Variants in PCBP3 observed in about 807,000 individuals in gnomAD.
PCBP3 encodes poly(rC)-binding protein 3.
A neutral mutation model predicts 52.7 loss-of-function variants in PCBP3; 25 were observed. The observed-to-expected ratio is 0.47, with a 90% confidence interval of 0.35 to 0.66. The LOEUF (loss-of-function observed/expected upper bound fraction) is 0.66, where lower values mean the gene tolerates loss of function less well. PCBP3 is among the 30% of genes least tolerant of loss of function. The pLI is 0.01. For synonymous variants in PCBP3, 162 were observed against 183.0 expected, an observed-to-expected ratio of 0.89 and a Z score of 0.93; for missense variants, 391 against 490.3, an observed-to-expected ratio of 0.80 and a Z score of 1.91.
At chr21:45,646,107 C>CTCTCTCTCTCTCTGTGTG (rs1555895746) in intron 1 of PCBP3, among the ~76,000 whole-genome samples, 13 of 83,820 alleles carry the variant, frequency 1.6e-4, no homozygotes, top group Non-Finnish European at 2.3e-4. Context: ...CTCTCTCTCT[C>CTCTCTCTCTCTCTGTGTG]TGTGTGTGTG....
Position 45,775,345 on chromosome 21 carries a change from G to A in PCBP3, c.-126+19893G>A, listed in dbSNP as rs151253384. Among the ~76,000 whole-genome samples the A allele has an allele frequency of 9.4e-4, 84 of 89,086 alleles. 1 individual carries two copies. Among genetic ancestry groups the A allele is most frequent in the Admixed American group, 5.6e-3 (52 of 9,296 alleles). The allele number at this position is 89,086 out of a possible 152,430, so 58.4% of individuals were successfully genotyped here. ...CTCTGATGATCTTTTGTATTTCTGT[G>A]GTATCAGTTTAATTTAAATGCCTCC... is the stretch of plus-strand genomic sequence containing the variant. On this transcript the variant is annotated intron_variant, in intron 4 of 17. Coordinates refer to ENST00000681687, the MANE Select transcript of PCBP3 (RefSeq NM_001384156.1).
At chr21:45,657,315 C>T (rs753208600) in intron 1 of PCBP3, among the ~76,000 whole-genome samples, 3 of 152,062 alleles carry the variant, frequency 2.0e-5, no homozygotes, top group East Asian at 1.9e-4. Context: ...GTCTTTGGTG[C>T]GTTTTGAGTT....
intron 5 of PCBP3, chr21:45,872,070 C>T (rs1603460284): frequency 6.6e-6 from 1 of 152,298 alleles, no homozygotes; most frequent in South Asian, 2.1e-4. Flanking sequence ...GCTGATGCTC[C>T]AACATGCTCC....
At chr21:45,902,598 A>G (rs1420351086) in intron 9 of PCBP3, among the ~76,000 whole-genome samples, 3 of 152,206 alleles carry the variant, frequency 2.0e-5, no homozygotes, top group Non-Finnish European at 2.9e-5. Flanking sequence ...CAAAACAGAA[A>G]CAAGAACAAC....
At chr21:45,691,700 C>T (rs1429122831) in intron 2 of PCBP3, among the ~76,000 whole-genome samples, 2 of 151,968 alleles carry the variant, frequency 1.3e-5, no homozygotes, top group South Asian at 2.1e-4. Flanking sequence ...TATAACAACC[C>T]TTCTAGATAA....
chr21:45,889,375 T>C (rs76078627), intron 5 of PCBP3, among the ~76,000 whole-genome samples: 1,781 of 152,362 alleles, frequency 0.012, 41 homozygotes, highest in African/African-American at 0.041. Context: ...TCTTCTCTAC[T>C]GTTCCCCTGA....
intron 5 of PCBP3, among the ~76,000 whole-genome samples, chr21:45,886,874 G>C (rs139170835): frequency 6.6e-6 from 1 of 152,294 alleles, no homozygotes; most frequent in Non-Finnish European, 1.5e-5. Flanking sequence ...CATGGGGTTC[G>C]GGAGCCTCTT....
At chr21:45,680,725 C>T (rs1462785751) in intron 2 of PCBP3, among the ~76,000 whole-genome samples, 4 of 152,150 alleles carry the variant, frequency 2.6e-5, no homozygotes, top group Admixed American at 1.3e-4. Flanking sequence ...TCCAGCACTA[C>T]GTGGAATATA....
intron 2 of PCBP3, among the ~76,000 whole-genome samples, chr21:45,697,791 C>T (rs1216876079): frequency 6.6e-6 from 1 of 151,966 alleles, no homozygotes; most frequent in African/African-American, 2.4e-5. Context: ...AATTATTCTC[C>T]TACTTATCTT....
intron 4 of PCBP3, among the ~76,000 whole-genome samples, chr21:45,779,522 C>T (rs9637205): frequency 0.14 from 21,784 of 152,080 alleles, 1,809 homozygotes; most frequent in Middle Eastern, 0.29. Flanking sequence ...AGAAAGTGAC[C>T]GTACATTCTT....
intron 5 of PCBP3, among the ~76,000 whole-genome samples, chr21:45,869,937 T>C (rs2094931877): frequency 6.6e-6 from 1 of 152,270 alleles, no homozygotes; most frequent in Admixed American, 6.5e-5. Flanking sequence ...TGACTCACAC[T>C]GTGCTTAGCT....
At chr21:45,697,313 C>T (rs182251592) in intron 2 of PCBP3, among the ~76,000 whole-genome samples, 7 of 152,318 alleles carry the variant, frequency 4.6e-5, no homozygotes, top group Admixed American at 6.5e-5. Flanking sequence ...TGGAATACCA[C>T]ATGGCATAAA....
At chr21:45,680,151 G>C (rs1270691361) in intron 2 of PCBP3, among the ~76,000 whole-genome samples, 2 of 152,042 alleles carry the variant, frequency 1.3e-5, no homozygotes, top group African/African-American at 4.8e-5. Flanking sequence ...CTTGAAATTG[G>C]GTAGAGATTT....
At position 45,890,384 on chromosome 21, in the gene PCBP3, G is replaced by A. The variant is rs58941861; in HGVS notation, c.11-5824G>A. On this transcript the variant is annotated intron_variant, in intron 5 of 17. Transcript: ENST00000681687. ...TGGATAATACAACCTGAAACCCTGC[G>A]CTGCTGAGGGGAATGTAGATAATAG... Among the ~76,000 whole-genome samples the A allele has an allele frequency of 7.1e-3, 1,086 of 152,142 alleles. 13 individuals are homozygous for A. The highest frequency in any genetic ancestry group is 0.025 in the African/African-American group (1,039 of 41,500).
intron 4 of PCBP3, chr21:45,836,548 C>T (rs895680752): frequency 1.3e-5 from 2 of 150,840 alleles, no homozygotes; most frequent in African/African-American, 4.9e-5. Flanking sequence ...CTGCACTTCC[C>T]AGTATATTCG....
chr21:45,935,290 C>T lies in PCBP3; in HGVS notation c.894C>T (p.Leu298=). ...DASPPASTHE[L]TIPNDLIGCI... Reference sequence around the variant, plus strand: ...GCCCACCGGCCAGCACTCATGAGCTCACCATTCCCAATGATGTGAGTATGC... The same window carrying T: ...GCCCACCGGCCAGCACTCATGAGCTTACCATTCCCAATGATGTGAGTATGC... Residue 298 remains leucine, a synonymous_variant, in exon 16 of 18, where the codon CTC becomes CTT. Coordinates refer to ENST00000681687, the MANE Select transcript of PCBP3 (RefSeq NM_001384156.1). 1 of 1,613,022 alleles carries T rather than the reference C, an allele frequency of 6.2e-7. No individual in the cohort carries two copies. Among genetic ancestry groups the T allele is most frequent in the Non-Finnish European group, 8.5e-7 (1 of 1,179,262 alleles).
intron 1 of PCBP3, among the ~76,000 whole-genome samples, chr21:45,667,075 GTTCT>G (rs138226209): frequency 0.37 from 53,831 of 147,378 alleles, 10,178 homozygotes; most frequent in African/African-American, 0.42. Context: ...GCATCTGTTT[GTTCT>G]TTCTTTCTTT....
chr21:45,909,665 A>G (rs2096287400), intron 10 of PCBP3, among the ~76,000 whole-genome samples, 179 bp downstream of exon 10: 1 of 151,514 alleles, frequency 6.6e-6, no homozygotes, highest in Non-Finnish European at 1.5e-5. Context: ...AGCAAGCACA[A>G]CTGCACTGCA....
intron 1 of PCBP3, among the ~76,000 whole-genome samples, chr21:45,664,846 C>G (rs1339212779): frequency 6.7e-6 from 1 of 148,648 alleles, no homozygotes; most frequent in African/African-American, 2.5e-5. Context: ...CAATTCCCAC[C>G]TATGAGTGAG....
Sources: gnomAD v4.1 joint callset for allele counts (sites outside exome capture counted in the v4.1 genomes callset) on GRCh38, gnomAD v4.1.1 for gene constraint, MANE v1.5 for transcripts, NCBI Gene and HGNC (gene_info 2026-07-23, HGNC 2026-07-21) for gene names.